The following KAZN variants were observed in gnomAD, a reference collection of about 807,000 sequenced individuals.
KAZN encodes the protein kazrin, periplakin interacting protein.
Under a neutral mutation model 87.4 loss-of-function variants are expected in KAZN, and 40 were observed. That is an observed-to-expected ratio of 0.46 (90% CI 0.36 to 0.60). KAZN has a LOEUF of 0.60. Ranked by LOEUF, KAZN falls within the 20% of genes least tolerant of loss-of-function variation. The pLI, the probability that KAZN is intolerant of heterozygous loss-of-function variation, is 0.00. For synonymous variants in KAZN, 466 were observed against 458.3 expected (o/e 1.02, Z -0.22); for missense variants, 898 against 1,073.9 (o/e 0.84, Z 2.29).
intron 2 of KAZN, among the ~76,000 whole-genome samples, chr1:14,991,692 C>CTGG (rs1195559948): frequency 6.6e-6 from 1 of 152,196 alleles, no homozygotes; most frequent in Non-Finnish European, 1.5e-5. Context: ...AGAGGCCAGG[C>CTGG]TGGCCCCAGG....
At chr1:14,748,978 A>AT (rs1232268152) in intron 1 of KAZN, among the ~76,000 whole-genome samples, 3 of 152,204 alleles carry the variant, frequency 2.0e-5, no homozygotes, top group African/African-American at 7.2e-5. Context: ...CTGTAAGAAA[A>AT]AGACCACAAA....
At chr1:14,179,705 C>T (rs770702115) in intron 1 of KAZN, among the ~76,000 whole-genome samples, 1 of 152,168 alleles carries the variant, frequency 6.6e-6, no homozygotes, top group African/African-American at 2.4e-5. Context: ...ATTAATTCAA[C>T]AGTATTTATT....
intron 1 of KAZN, among the ~76,000 whole-genome samples, chr1:14,736,015 A>C (rs2100396335): frequency 6.6e-6 from 1 of 152,260 alleles, no homozygotes; most frequent in African/African-American, 2.4e-5. Context: ...AATGCACCCT[A>C]GAGATAAGAC....
At position 15,066,883 on chromosome 1, in the gene KAZN, C is replaced by G. The variant is rs1639261970; in HGVS notation, c.1222+1130C>G. 2.0e-6 allele frequency: 2 copies of G among 985,380 alleles called. No individual in the cohort carries two copies. Among genetic ancestry groups the G allele is most frequent in the Non-Finnish European group, 2.4e-6 (2 of 829,978 alleles). The allele number at this position is 985,380 out of a possible 1,614,324, so 61.0% of individuals were successfully genotyped here. On this transcript the variant is annotated intron_variant, in intron 8 of 14. Coordinates refer to ENST00000376030, the MANE Select transcript of KAZN (RefSeq NM_201628.3). This position sits in a 1 kb window ranked among gnomAD's most constrained non-coding sequence, Gnocchi z 4.3. ...TCCTCCACCTTCTTCCCACCCAGAG[C>G]TCCCTCCAGGCCTTTCTCTATATAT...
At chr1:14,279,131 G>A (rs1406509059) in intron 2 of KAZN, among the ~76,000 whole-genome samples, 1 of 152,052 alleles carries the variant, frequency 6.6e-6, no homozygotes, top group African/African-American at 2.4e-5. Context: ...ACATAAAATT[G>A]TCATATTACT....
intron 8 of KAZN, among the ~76,000 whole-genome samples, chr1:15,079,610 G>C (rs1421443813): frequency 2.6e-5 from 4 of 152,172 alleles, no homozygotes; most frequent in Non-Finnish European, 4.4e-5. Flanking sequence ...GCCTCTGCAT[G>C]GGTGCGTGGA....
intron 2 of KAZN, among the ~76,000 whole-genome samples, chr1:14,447,656 T>C (rs1261156630): frequency 1.3e-5 from 2 of 152,274 alleles, no homozygotes; most frequent in African/African-American, 4.8e-5. Context: ...TTATTGGCTA[T>C]GGTTAGTCAT....
At chr1:14,453,143 G>GA (rs369850338) in intron 2 of KAZN, among the ~76,000 whole-genome samples, 21 of 152,170 alleles carry the variant, frequency 1.4e-4, no homozygotes, top group African/African-American at 4.8e-4. Flanking sequence ...ATTTAGTAGA[G>GA]ACAGGGTTTC....
At position 14,266,232 on chromosome 1, in the gene KAZN, C is replaced by T. The variant is rs116232357; in HGVS notation, c.249+85640C>T. 3.8e-3 allele frequency among the ~76,000 whole-genome samples: 575 copies of T among 152,322 alleles called. 9 individuals are homozygous for T. The highest frequency in any genetic ancestry group is 0.013 in the African/African-American group (538 of 41,572). ...CCACGCAGCCAGAATGTAATTACAT[C>T]AGCATTGCTGTCATTGCTACTGCAC... On this transcript the variant is annotated intron_variant, in intron 2 of 16. Transcript: ENST00000636203.
At chr1:14,903,843 T>G (rs1656199017) in intron 1 of KAZN, among the ~76,000 whole-genome samples, 1 of 152,250 alleles carries the variant, frequency 6.6e-6, no homozygotes, top group African/African-American at 2.4e-5. Context: ...TAAGTGCTTT[T>G]ACATGTATTT....
chr1:14,119,289 AC>A (rs1644700023), intron 1 of KAZN, among the ~76,000 whole-genome samples: 1 of 152,044 alleles, frequency 6.6e-6, no homozygotes, highest in African/African-American at 2.4e-5. Flanking sequence ...CCATCCGTAG[AC>A]TTTTATCGGG....
intron 2 of KAZN, among the ~76,000 whole-genome samples, chr1:14,411,836 A>C (rs559746599): frequency 6.6e-6 from 1 of 151,982 alleles, no homozygotes; most frequent in African/African-American, 2.4e-5. Context: ...GTAACATAAA[A>C]AGAAAGTCTA....
At chr1:14,623,492 A>G (rs1428995552) in intron 1 of KAZN, among the ~76,000 whole-genome samples, 1 of 152,200 alleles carries the variant, frequency 6.6e-6, no homozygotes, top group Non-Finnish European at 1.5e-5. Flanking sequence ...GAGGAGGGAG[A>G]GGAGCAGAAA....
chr1:14,728,987 G>A (rs555393884), intron 1 of KAZN, among the ~76,000 whole-genome samples: 1 of 152,282 alleles, frequency 6.6e-6, no homozygotes, highest in Admixed American at 6.5e-5. Flanking sequence ...GATATCCTTA[G>A]GTGACGATTG....
intron 2 of KAZN, among the ~76,000 whole-genome samples, chr1:14,544,683 C>T (rs1046602208): frequency 1.3e-5 from 2 of 150,958 alleles, no homozygotes; most frequent in African/African-American, 4.9e-5. Flanking sequence ...GTATTTATGC[C>T]ACATTATTAA....
chr1:14,451,978 CA>C (rs1667303174), intron 2 of KAZN, among the ~76,000 whole-genome samples: 1 of 152,132 alleles, frequency 6.6e-6, no homozygotes, highest in Admixed American at 6.5e-5. Context: ...CTCGCTCTGT[CA>C]CCCAGGCTGG....
intron 1 of KAZN, among the ~76,000 whole-genome samples, chr1:14,008,454 A>G (rs1003753738): frequency 3.9e-5 from 6 of 152,228 alleles, no homozygotes; most frequent in African/African-American, 7.2e-5. Context: ...GACATGGATT[A>G]TCTGTTCATT....
At chr1:14,107,118 C>A (rs1283513172) in intron 1 of KAZN, among the ~76,000 whole-genome samples, 2 of 148,216 alleles carry the variant, frequency 1.3e-5, no homozygotes, top group Non-Finnish European at 3.0e-5. Flanking sequence ...AATACCTATT[C>A]AGGGAAGTGT....
intron 2 of KAZN, among the ~76,000 whole-genome samples, chr1:14,570,747 CAT>C (rs1475746709): frequency 6.6e-6 from 1 of 152,178 alleles, no homozygotes; most frequent in East Asian, 1.9e-4. Flanking sequence ...GTAAATAACT[CAT>C]AGAATCGCTG....
Sources: gnomAD v4.1 joint callset for allele counts (sites outside exome capture counted in the v4.1 genomes callset) on GRCh38, gnomAD v4.1.1 for gene constraint, Gnocchi (gnomAD v3.1) non-coding constraint, MANE v1.5 for transcripts, NCBI Gene and HGNC (gene_info 2026-07-23, HGNC 2026-07-21) for gene names.